The following NRG3 variants were observed in gnomAD, a reference collection of about 807,000 sequenced individuals.
NRG3 encodes the protein pro-neuregulin-3, membrane-bound isoform.
Under a neutral mutation model 66.9 loss-of-function variants are expected in NRG3, and 31 were observed. The observed-to-expected ratio is 0.46, with a 90% CI of 0.35 to 0.63. The LOEUF (loss-of-function observed/expected upper bound fraction) is 0.63, where lower values mean the gene tolerates loss of function less well. NRG3 is among the 20% of genes least tolerant of loss of function. The pLI, the probability that NRG3 is intolerant of heterozygous loss-of-function variation, is 0.00. For missense variants in NRG3, 910 were observed against 878.9 expected (o/e 1.04, Z -0.45); for synonymous variants, 393 against 359.4 (o/e 1.09, Z -1.06).
intron 2 of NRG3, among the ~76,000 whole-genome samples, chr10:82,544,836 T>C (rs2132801939): frequency 6.6e-6 from 1 of 152,338 alleles, no homozygotes; most frequent in East Asian, 1.9e-4. Context: ...GCATATATAC[T>C]ATGATAAAGT....
intron 1 of NRG3, among the ~76,000 whole-genome samples, chr10:82,124,898 T>G (rs940959972): frequency 6.6e-6 from 1 of 151,954 alleles, no homozygotes; most frequent in Non-Finnish European, 1.5e-5. Context: ...GATTGTCAGC[T>G]TCTCAATAGA....
intron 3 of NRG3, among the ~76,000 whole-genome samples, chr10:82,807,743 A>G (rs2061346136): frequency 6.6e-6 from 1 of 152,174 alleles, no homozygotes; most frequent in Non-Finnish European, 1.5e-5. Context: ...TGATTTATAC[A>G]TCATGCCTCC....
chr10:82,583,402 A>C (rs2046477152), intron 2 of NRG3, among the ~76,000 whole-genome samples: 2 of 152,186 alleles, frequency 1.3e-5, no homozygotes, highest in African/African-American at 4.8e-5. Context: ...GTTGAAAATT[A>C]AAATTGTTAA....
At chr10:81,976,827 T>TG (rs1324150426) in intron 1 of NRG3, among the ~76,000 whole-genome samples, 3 of 152,210 alleles carry the variant, frequency 2.0e-5, no homozygotes, top group Admixed American at 6.5e-5. Context: ...TTAGTCTATC[T>TG]GGATGCCTGT....
At position 82,658,372 on chromosome 10, in the gene NRG3, C is replaced by A. The variant is rs2052039315; in HGVS notation, c.954-80205C>A. 2.0e-5 allele frequency among the ~76,000 whole-genome samples: 3 copies of A among 151,998 alleles called. No homozygotes were observed. The South Asian group carries it at 6.2e-4, about 32-fold the overall frequency. ...ATTCCTGATAGAAAAACAAAAAACTCTTGGGAATGTAGGAATGGCAGACAA... is the reference window on the plus strand; with the variant it reads ...ATTCCTGATAGAAAAACAAAAAACTATTGGGAATGTAGGAATGGCAGACAA... On this transcript the variant is annotated intron_variant, in intron 2 of 8. Transcript: ENST00000372141.
intron 1 of NRG3, among the ~76,000 whole-genome samples, chr10:82,082,131 T>A (rs1291538374): frequency 6.6e-6 from 1 of 152,246 alleles, no homozygotes; most frequent in African/African-American, 2.4e-5. Flanking sequence ...TAAAATACTT[T>A]ACAGAAATTG....
chr10:82,571,594 G>A (rs1335896734), intron 2 of NRG3, among the ~76,000 whole-genome samples: 1 of 151,602 alleles, frequency 6.6e-6, no homozygotes, highest in African/African-American at 2.4e-5. Context: ...ACTTCTGCAG[G>A]AATTTCTGTT....
chr10:81,875,339 G>C lies in NRG3; in HGVS notation c.-2G>C. 1.0e-6 allele frequency: 1 copy of C among 987,770 alleles called. No individual in the cohort carries two copies. The highest frequency in any genetic ancestry group is 1.2e-6 in the Non-Finnish European group (1 of 832,896). 61.2% of individuals were successfully genotyped at this position (987,770 alleles called of 1,614,324 possible). ...GGGCGAAGGTGAAGACCGGCTCCTA[G>C]GATGAGTGAAGGGGCGGCCGCTGCC... On this transcript the variant is annotated 5_prime_UTR_variant, in exon 1 of 9. The change abolishes the stop of an existing upstream ORF in the 5' untranslated region. Coordinates refer to ENST00000372141, the MANE Select transcript of NRG3 (RefSeq NM_001010848.4). The surrounding 1 kb of genome is among the most constrained non-coding windows in gnomAD (Gnocchi z 5.3).
intron 1 of NRG3, among the ~76,000 whole-genome samples, chr10:81,883,357 A>G (rs547085771): frequency 2.0e-5 from 3 of 152,164 alleles, no homozygotes; most frequent in Non-Finnish European, 4.4e-5. Flanking sequence ...TGTTGTTATA[A>G]GCTTTTATTT....
rs573251018 is a variant in NRG3, at chr10:82,296,202, G to A, written c.824-62537G>A. Among the ~76,000 whole-genome samples, 13 of 152,276 alleles carry A rather than the reference G, an allele frequency of 8.5e-5. No individual in the cohort carries two copies. The East Asian group carries it at 1.9e-3, about 23-fold the overall frequency. On this transcript the variant is annotated intron_variant, in intron 1 of 8. Transcript: ENST00000372141. ...TGGTAAATGTAAAGTCAGTGTGGCC[G>A]CAGCTCAGAGAGGAAGAGGAAGGCT...
At chr10:82,268,687 G>A (rs2078431844) in intron 1 of NRG3, among the ~76,000 whole-genome samples, 1 of 151,968 alleles carries the variant, frequency 6.6e-6, no homozygotes, top group Admixed American at 6.6e-5. Context: ...AAGCTGAGTG[G>A]GTTTAGTTAT....
At chr10:82,942,338 A>AC (rs1848649602) in intron 4 of NRG3, among the ~76,000 whole-genome samples, 1 of 152,180 alleles carries the variant, frequency 6.6e-6, no homozygotes, top group African/African-American at 2.4e-5. Flanking sequence ...TTTTCTACGT[A>AC]GTACAGCTTA....
intron 4 of NRG3, among the ~76,000 whole-genome samples, chr10:82,890,210 A>G (rs1171200563): frequency 6.6e-6 from 1 of 151,480 alleles, no homozygotes; most frequent in Non-Finnish European, 1.5e-5. Flanking sequence ...TTGTGAACAT[A>G]TAGAGAAAAA....
chr10:82,216,576 G>A (rs1035940778), intron 1 of NRG3, among the ~76,000 whole-genome samples: 1 of 136,370 alleles, frequency 7.3e-6, no homozygotes. Flanking sequence ...ATATCTGGGT[G>A]TGTGTGTGTG....
chr10:82,815,759 A>C (rs990293969), intron 3 of NRG3, among the ~76,000 whole-genome samples: 1 of 151,758 alleles, frequency 6.6e-6, no homozygotes, highest in Admixed American at 6.6e-5. Context: ...CGCCCACTTC[A>C]CCTGGCAGGC....
At chr10:82,314,546 C>T (rs1367175483) in intron 1 of NRG3, among the ~76,000 whole-genome samples, 2 of 152,136 alleles carry the variant, frequency 1.3e-5, no homozygotes, top group African/African-American at 4.8e-5. Context: ...CAGTGGCTCA[C>T]GTCTGTAATC....
At chr10:82,181,602 T>A (rs2073421573) in intron 1 of NRG3, among the ~76,000 whole-genome samples, 1 of 151,962 alleles carries the variant, frequency 6.6e-6, no homozygotes, top group African/African-American at 2.4e-5. Context: ...CTAATTTCAT[T>A]CCACTGTAGT....
At chr10:82,144,772 C>G (rs965251976) in intron 1 of NRG3, among the ~76,000 whole-genome samples, 9 of 152,178 alleles carry the variant, frequency 5.9e-5, no homozygotes, top group African/African-American at 2.2e-4. Context: ...TCAAGCAAAA[C>G]AGCTACTCCT....
chr10:82,531,739 C>T (rs1188289894), intron 2 of NRG3, among the ~76,000 whole-genome samples: 2 of 151,762 alleles, frequency 1.3e-5, no homozygotes, highest in Non-Finnish European at 3.0e-5. Flanking sequence ...TTTAAAATAA[C>T]GTATTTTCAC....
Sources: allele counts gnomAD v4.1 joint callset (sites outside exome capture counted in the v4.1 genomes callset), GRCh38; gene constraint gnomAD v4.1.1; non-coding constraint Gnocchi (gnomAD v3.1); transcripts MANE v1.5; gene names NCBI Gene and HGNC (gene_info 2026-07-23, HGNC 2026-07-21).